Variants in STARD10 observed in about 807,000 individuals in gnomAD.
STARD10 encodes the protein START domain-containing protein 10.
Under a neutral mutation model 36.0 loss-of-function variants are expected in STARD10, and 24 were observed. The ratio of observed to expected loss-of-function variants is 0.67; its 90% CI spans 0.48 to 0.94. The LOEUF (loss-of-function observed/expected upper bound fraction) is 0.94. Among genes scored for constraint, STARD10 ranks in the 40% least tolerant of loss-of-function variants. The probability of loss-of-function intolerance (pLI) is 0.00; values close to 1 mark genes in which losing one functional copy is unlikely to be tolerated. For missense variants in STARD10, 335 were observed against 396.6 expected (o/e 0.84, Z 1.32); for synonymous variants, 156 against 161.9 (o/e 0.96, Z 0.28).
At chr11:72,755,633 A>C in intron 6 of STARD10, 68 bp downstream of exon 6, 1 of 1,572,996 alleles carries the variant, frequency 6.4e-7, no homozygotes, top group Non-Finnish European at 8.7e-7. Flanking sequence ...GCTTGACTCC[A>C]CCCACCTCAT....
intron 2 of STARD10, among the ~76,000 whole-genome samples, chr11:72,763,715 G>A (rs978106782): frequency 1.3e-5 from 2 of 152,182 alleles, no homozygotes; most frequent in African/African-American, 4.8e-5. Context: ...AGTGAAGGGA[G>A]GAACGCGATG....
At chr11:72,785,400 A>G (rs1847707744) in intron 1 of STARD10, among the ~76,000 whole-genome samples, 1 of 151,670 alleles carries the variant, frequency 6.6e-6, no homozygotes, top group African/African-American at 2.4e-5. Flanking sequence ...CCCCATCTCT[A>G]CTAAAAATAC....
At chr11:72,771,578 C>T (rs1858857876) in intron 2 of STARD10, among the ~76,000 whole-genome samples, 1 of 152,152 alleles carries the variant, frequency 6.6e-6, no homozygotes, top group Non-Finnish European at 1.5e-5. Flanking sequence ...ACAGAGCTCC[C>T]TGAGCAGACT....
Position 72,785,493 on chromosome 11 carries a change from G to A in STARD10, c.-113-4199C>T, listed in dbSNP as rs145641817. On this transcript the variant is annotated intron_variant, in intron 1 of 6. Transcript: ENST00000334805. ...GGAAAATCGCTTGAACCTGGGAGGC[G>A]GAGGTTGCAGTGAGCAGAGATTGGG... 4.7e-3 allele frequency among the ~76,000 whole-genome samples: 711 copies of A among 150,322 alleles called. 2 individuals carry two copies. The highest frequency in any genetic ancestry group is 0.017 in the African/African-American group (677 of 40,782).
Position 72,781,468 on chromosome 11 carries a change from G to A in STARD10, c.-113-174C>T, listed in dbSNP as rs1385028341. Among the ~76,000 whole-genome samples the A allele has an allele frequency of 6.6e-6, 1 of 151,868 alleles. No homozygotes were observed. On this transcript the variant is annotated intron_variant, in intron 1 of 6. Coordinates refer to ENST00000334805, the MANE Select transcript of STARD10 (RefSeq NM_006645.3). The surrounding 1 kb of genome is among the most constrained non-coding windows in gnomAD (Gnocchi z 4.7). ...CGAGGAGCGCCCCAGACCCCCTGGG[G>A]CCGGCGTGGGGACTGCGTATGGGAC...
chr11:72,788,648 C>G (rs1159517607), intron 1 of STARD10, among the ~76,000 whole-genome samples: 1 of 151,458 alleles, frequency 6.6e-6, no homozygotes, highest in Non-Finnish European at 1.5e-5. Flanking sequence ...AGCTCACCAC[C>G]ACCTCCCAGA....
chr11:72,758,265 C>T (rs1858672350), intron 4 of STARD10, among the ~76,000 whole-genome samples: 1 of 152,244 alleles, frequency 6.6e-6, no homozygotes. Context: ...CCTCTTGTTC[C>T]TCATTTCCCT....
At chr11:72,756,186 T>A (rs1858641263) in intron 5 of STARD10, among the ~76,000 whole-genome samples, 1 of 152,188 alleles carries the variant, frequency 6.6e-6, no homozygotes, top group Non-Finnish European at 1.5e-5. Context: ...GGCCTCTGGC[T>A]GAGCACCCCA....
intron 1 of STARD10, among the ~76,000 whole-genome samples, chr11:72,784,709 A>G (rs74695151): frequency 0.019 from 2,899 of 152,186 alleles, 103 homozygotes; most frequent in African/African-American, 0.066. Flanking sequence ...GTGAATTGAG[A>G]TGTCTCTCTG....
At chr11:72,787,131 G>C (rs1217211963) in intron 1 of STARD10, among the ~76,000 whole-genome samples, 2 of 149,272 alleles carry the variant, frequency 1.3e-5, no homozygotes, top group Non-Finnish European at 3.0e-5. Context: ...GAGACACAGA[G>C]AGGCTAAGTA....
chr11:72,761,917 CT>C (rs1189000490), intron 2 of STARD10, among the ~76,000 whole-genome samples: 1,202 of 37,532 alleles, frequency 0.032, 7 homozygotes, highest in African/African-American at 0.12. Flanking sequence ...CTTTTCTTTT[CT>C]TTTTTTTTTT....
chr11:72,757,126 CA>C (rs1858655329), intron 5 of STARD10, among the ~76,000 whole-genome samples: 1 of 94,746 alleles, frequency 1.1e-5, no homozygotes, highest in African/African-American at 4.2e-5. Flanking sequence ...GCCTGGGAAA[CA>C]AGAGTGAAAC....
At position 72,781,141 on chromosome 11, in the gene STARD10, C is replaced by G; in HGVS notation, c.41G>C (p.Arg14Pro). 7 of 1,613,104 alleles carry G rather than the reference C, an allele frequency of 4.3e-6. No homozygotes were observed. Among genetic ancestry groups the G allele is most frequent in the Non-Finnish European group, 5.9e-6 (7 of 1,180,012 alleles). The change falls in exon 2 of 7, where the codon CGG becomes CCG. Residue 14 changes from arginine (R) to proline (P), a missense_variant. Transcript: ENST00000334805. The surrounding 1 kb of genome is among the most constrained non-coding windows in gnomAD (Gnocchi z 4.7). Reference sequence around the variant, plus strand: ...GACACTCTCACGGCCCAGGACCGGCCGAGGCCCTTGGGGCTCTGTAGAGGC... The same window carrying G: ...GACACTCTCACGGCCCAGGACCGGCGGAGGCCCTTGGGGCTCTGTAGAGGC... ...LAASTEPQGPRPVLGRESVQV... is the reference protein window; with the variant it reads ...LAASTEPQGPPPVLGRESVQV...
intron 2 of STARD10, among the ~76,000 whole-genome samples, chr11:72,766,415 C>T (rs530057253): frequency 1.3e-5 from 2 of 152,136 alleles, no homozygotes; most frequent in Admixed American, 6.5e-5. Flanking sequence ...CAAGATAGCA[C>T]GAGCAGGGCT....
Position 72,757,882 on chromosome 11 carries a change from T to A in STARD10, c.462A>T (p.Lys154Asn), listed in dbSNP as rs1460818629. 1 of 1,614,110 alleles carries A rather than the reference T, an allele frequency of 6.2e-7. No individual in the cohort carries two copies. Among genetic ancestry groups the A allele is most frequent in the African/African-American group, 1.3e-5 (1 of 75,056 alleles). The change falls in exon 5 of 7, where the codon AAA (lysine) becomes AAT (asparagine). Residue 154 changes from lysine to asparagine, a missense_variant and splice_region_variant. Physicochemically the swap from Lys to Asn is moderately conservative, Grantham distance 94. Coordinates refer to ENST00000334805, the MANE Select transcript of STARD10 (RefSeq NM_006645.3). ...IIMNYSVKHP[K>N]YPPRKDLVRA... ...GGACCAAGTCTTTCCGAGGTGGGTA[T>A]TTCTGGGGATGGAAGGCACAGGGAG...
chr11:72,779,792 G>C (rs1207831838), intron 2 of STARD10, among the ~76,000 whole-genome samples: 1 of 152,218 alleles, frequency 6.6e-6, no homozygotes, highest in African/African-American at 2.4e-5. Flanking sequence ...AGTCAGAGGG[G>C]AGAAGGGGAG....
intron 2 of STARD10, among the ~76,000 whole-genome samples, chr11:72,776,585 C>A (rs1858933214): frequency 6.6e-6 from 1 of 152,086 alleles, no homozygotes; most frequent in Admixed American, 6.6e-5. Context: ...GAGTCAAGGA[C>A]CTAGGTCCTG....
chr11:72,776,430 C>G (rs1250419229), intron 2 of STARD10, among the ~76,000 whole-genome samples: 2 of 152,190 alleles, frequency 1.3e-5, no homozygotes, highest in African/African-American at 4.8e-5. Context: ...GAAATGACCC[C>G]CAAAGTCACA....
chr11:72,791,853 C>CT (rs1300964709), intron 1 of STARD10, among the ~76,000 whole-genome samples: 2 of 151,702 alleles, frequency 1.3e-5, no homozygotes, highest in African/African-American at 2.4e-5. Flanking sequence ...TCTTGGATAC[C>CT]TTTTTGTTGT....
Sources: gnomAD v4.1 joint callset for allele counts (sites outside exome capture counted in the v4.1 genomes callset) on GRCh38, gnomAD v4.1.1 for gene constraint, Gnocchi (gnomAD v3.1) non-coding constraint, MANE v1.5 for transcripts, NCBI Gene and HGNC (gene_info 2026-07-23, HGNC 2026-07-21) for gene names.